USP24: variants seen among roughly 807,000 people sequenced by gnomAD.
The protein encoded by USP24 is ubiquitin specific peptidase 24, also known as ubiquitin carboxyl-terminal hydrolase 24.
In USP24, 97 loss-of-function variants were observed where a neutral mutation model predicts 361.6. That is an observed-to-expected ratio of 0.27 (90% CI 0.23 to 0.32). USP24 has a LOEUF of 0.32. Among genes scored for constraint, USP24 ranks in the 10% least tolerant of loss-of-function variants. The probability of loss-of-function intolerance (pLI) is 1.00; values close to 1 mark genes in which losing one functional copy is unlikely to be tolerated. For synonymous variants in USP24, 1,098 were observed against 1,124.6 expected (o/e 0.98, Z 0.47); for missense variants, 2,353 against 3,165.6 (o/e 0.74, Z 6.16).
intron 7 of USP24, 53 bp downstream of exon 7, chr1:55,165,832 C>A: frequency 6.1e-6 from 9 of 1,476,456 alleles, no homozygotes; most frequent in South Asian, 1.3e-5. Flanking sequence ...GGCTGTACAC[C>A]AACTCAAGTG....
intron 43 of USP24, 67 bp downstream of exon 43, chr1:55,101,517 A>G (rs1420735752): frequency 6.5e-7 from 1 of 1,543,656 alleles, no homozygotes; most frequent in Non-Finnish European, 8.7e-7. Context: ...ATAAAAAACT[A>G]TGAAACAATT....
intron 16 of USP24, chr1:55,151,891 A>G (rs1448512523): frequency 1.0e-6 from 1 of 985,760 alleles, no homozygotes; most frequent in East Asian, 1.1e-4. Context: ...GGGGAGTAAG[A>G]AGTGGGTGAT....
rs376403490 is a variant in USP24, at chr1:55,209,111, A to G, written c.324+5679T>C. 1.6e-4 allele frequency among the ~76,000 whole-genome samples: 25 copies of G among 151,996 alleles called. 1 individual carries two copies. Among genetic ancestry groups the G allele is most frequent in the Admixed American group, 1.6e-3 (25 of 15,250 alleles). On this transcript the variant is annotated intron_variant, in intron 1 of 67. Transcript: ENST00000294383. Reference sequence around the variant, plus strand: ...TAAAAAAGGAAGTAAAACTCCCTAGAAAAAAAAGGGAGGAAAAAAACATTT... The same window carrying G: ...TAAAAAAGGAAGTAAAACTCCCTAGGAAAAAAAGGGAGGAAAAAAACATTT...
intron 1 of USP24, among the ~76,000 whole-genome samples, chr1:55,206,382 C>T (rs193144024): frequency 2.4e-3 from 364 of 152,168 alleles, no homozygotes; most frequent in Non-Finnish European, 3.7e-3. Flanking sequence ...TTGAGCTAAC[C>T]TTGAAGAACG....
At chr1:55,121,348 G>T in intron 37 of USP24, 88 bp downstream of exon 37, 1 of 1,233,396 alleles carries the variant, frequency 8.1e-7, no homozygotes, top group Non-Finnish European at 1.2e-6. Context: ...TGCCACTCCT[G>T]TATTCCCGAC....
Position 55,213,266 on chromosome 1 carries a change from A to T in USP24, c.324+1524T>A, listed in dbSNP as rs562594231. On this transcript the variant is annotated intron_variant, in intron 1 of 67. Coordinates refer to ENST00000294383, the MANE Select transcript of USP24 (RefSeq NM_015306.3). ...TGGTTACTCAATTATATGGGAATTT[A>T]AAAAAATTCCCAAACTAGGAATAGT... is the stretch of plus-strand genomic sequence containing the variant. 7.2e-5 allele frequency among the ~76,000 whole-genome samples: 11 copies of T among 152,298 alleles called. No homozygotes were observed. The South Asian group carries it at 8.3e-4, about 11-fold the overall frequency.
chr1:55,183,009 G>A (rs774355619), intron 1 of USP24, among the ~76,000 whole-genome samples: 4 of 152,058 alleles, frequency 2.6e-5, no homozygotes, highest in East Asian at 1.9e-4. Context: ...GTGAGCCACC[G>A]TGCCTGGCCA....
At position 55,068,675 on chromosome 1, in the gene USP24, A is replaced by G. The variant is rs1644860959; in HGVS notation, c.*370T>C. 4.8e-6 allele frequency: 1 copy of G among 207,062 alleles called. No homozygotes were observed. Among genetic ancestry groups the G allele is most frequent in the Admixed American group, 5.9e-5 (1 of 17,066 alleles). 12.8% of individuals were successfully genotyped at this position (207,062 alleles called of 1,614,324 possible). On this transcript the variant is annotated 3_prime_UTR_variant, in exon 68 of 68. Transcript: ENST00000294383. ...GCTTGCTTTTTCTTAAAATATAAAAACCAAAGGAATTTCTTTTGTAGCATC... is the reference window on the plus strand; with the variant it reads ...GCTTGCTTTTTCTTAAAATATAAAAGCCAAAGGAATTTCTTTTGTAGCATC...
At chr1:55,079,818 C>G (rs1226365003) in intron 59 of USP24, among the ~76,000 whole-genome samples, 159 bp from the exon 60 acceptor site, 1 of 150,992 alleles carries the variant, frequency 6.6e-6, no homozygotes, top group Non-Finnish European at 1.5e-5. Context: ...TGAGTACTCG[C>G]AGAGTACTTG....
At position 55,190,388 on chromosome 1, in the gene USP24, C is replaced by T. The variant is rs1239646054; in HGVS notation, c.325-12256G>A. On this transcript the variant is annotated intron_variant, in intron 1 of 67. Coordinates refer to ENST00000294383, the MANE Select transcript of USP24 (RefSeq NM_015306.3). ...AACCACAGAGGGGGATAGTATGAAC[C>T]CATATTTTGGTTGGTTTGATATTTT... Among the ~76,000 whole-genome samples, 10 of 151,810 alleles carry T rather than the reference C, an allele frequency of 6.6e-5. 1 individual carries two copies. The highest frequency in any genetic ancestry group is 1.5e-4 in the Non-Finnish European group (10 of 67,974).
chr1:55,071,790 A>G, intron 67 of USP24, 24 bp downstream of exon 67: 1 of 1,596,924 alleles, frequency 6.3e-7, no homozygotes, highest in Non-Finnish European at 8.6e-7. Context: ...CCCTTTGCAC[A>G]CAAGGACATG....
At chr1:55,184,317 A>C (rs1195072498) in intron 1 of USP24, among the ~76,000 whole-genome samples, 1 of 152,192 alleles carries the variant, frequency 6.6e-6, no homozygotes, top group Non-Finnish European at 1.5e-5. Context: ...TCAGCCTCCC[A>C]AAGTGCTGGA....
Position 55,125,612 on chromosome 1 carries a change from A to T in USP24, c.3731+51T>A. ...ATACTATTTAAAAACATGATTTGCGAAGAAAAAGTCAAGTATTGCCTGGTA... is the reference window on the plus strand; with the variant it reads ...ATACTATTTAAAAACATGATTTGCGTAGAAAAAGTCAAGTATTGCCTGGTA... On this transcript the variant is annotated intron_variant, in intron 33 of 67. Coordinates refer to ENST00000294383, the MANE Select transcript of USP24 (RefSeq NM_015306.3). The T allele has an allele frequency of 1.9e-6, 3 of 1,577,424 alleles. No homozygotes were observed. The South Asian group carries it at 3.4e-5, about 18-fold the overall frequency.
Position 55,146,114 on chromosome 1 carries a change from G to A in USP24, c.2251-5C>T. The A allele has an allele frequency of 3.1e-6, 5 of 1,603,906 alleles. No homozygotes were observed. The highest frequency in any genetic ancestry group is 4.3e-6 in the Non-Finnish European group (5 of 1,172,022). ...TGTAAACCATTCAAAACACATCTGT[G>A]GAATAAGACGAATATCACCCTATAA... On this transcript the variant is annotated splice_region_variant and splice_polypyrimidine_tract_variant and intron_variant, in intron 19 of 67. Transcript: ENST00000294383.
chr1:55,082,109 C>T (rs1262146689), intron 58 of USP24, among the ~76,000 whole-genome samples: 3 of 152,062 alleles, frequency 2.0e-5, no homozygotes, highest in East Asian at 1.9e-4. Flanking sequence ...AAGCCTAAGT[C>T]GAAAATCTGT....
intron 23 of USP24, 116 bp downstream of exon 23, chr1:55,142,626 T>C: frequency 1.3e-6 from 1 of 756,032 alleles, no homozygotes; most frequent in African/African-American, 1.8e-5. Flanking sequence ...TGTTGATAAA[T>C]TCTTCAATAG....
At chr1:55,149,451 C>G (rs1647130955) in intron 16 of USP24, among the ~76,000 whole-genome samples, 1 of 152,070 alleles carries the variant, frequency 6.6e-6, no homozygotes, top group South Asian at 2.1e-4. Flanking sequence ...GATGAAGACC[C>G]TTGTGGAGGG....
chr1:55,213,993 T>A (rs67722862), intron 1 of USP24, among the ~76,000 whole-genome samples: 8,398 of 151,938 alleles, frequency 0.055, 265 homozygotes, highest in African/African-American at 0.084. Context: ...CGATGACCAG[T>A]ACTCCCTCTT....
At chr1:55,161,092 G>T (rs551597301) in intron 8 of USP24, among the ~76,000 whole-genome samples, 2 of 152,182 alleles carry the variant, frequency 1.3e-5, no homozygotes, top group Non-Finnish European at 2.9e-5. Context: ...TACAGAAATT[G>T]GCTAGGTACA....
Sources: allele counts gnomAD v4.1 joint callset (sites outside exome capture counted in the v4.1 genomes callset), GRCh38; gene constraint gnomAD v4.1.1; transcripts MANE v1.5; gene names NCBI Gene and HGNC (gene_info 2026-07-23, HGNC 2026-07-21).